Variants in PRKACB observed in about 807,000 individuals in gnomAD.
PRKACB encodes cAMP-dependent protein kinase catalytic subunit beta.
A neutral mutation model predicts 51.4 loss-of-function variants in PRKACB; 16 were observed. The observed-to-expected ratio is 0.31, with a 90% CI of 0.21 to 0.47. PRKACB has a LOEUF of 0.47. Ranked by LOEUF, PRKACB falls within the 20% of genes least tolerant of loss-of-function variation. The pLI is 1.00. For missense variants in PRKACB, 309 were observed against 464.5 expected, an observed-to-expected ratio of 0.67 and a Z score of 3.08; for synonymous variants, 147 against 154.4, an observed-to-expected ratio of 0.95 and a Z score of 0.35.
At chr1:84,195,731 G>T (rs1668032091) in intron 5 of PRKACB, among the ~76,000 whole-genome samples, 3 of 151,968 alleles carry the variant, frequency 2.0e-5, no homozygotes, top group African/African-American at 4.8e-5. Flanking sequence ...TGGCCAACAT[G>T]GTGAAACCCC....
intron 1 of PRKACB, among the ~76,000 whole-genome samples, chr1:84,122,167 C>T (rs1651141255): frequency 1.3e-5 from 2 of 152,138 alleles, no homozygotes; most frequent in Non-Finnish European, 2.9e-5. Context: ...CTCCAGCACT[C>T]TTCAGCCTCT....
intron 1 of PRKACB, among the ~76,000 whole-genome samples, chr1:84,133,677 A>G (rs1219041372): frequency 1.3e-5 from 2 of 151,984 alleles, no homozygotes; most frequent in Non-Finnish European, 2.9e-5. Flanking sequence ...CCCTTGCGGG[A>G]GGGGGAGCAC....
intron 1 of PRKACB, chr1:84,164,841 C>G: frequency 7.2e-7 from 1 of 1,384,968 alleles, no homozygotes; most frequent in South Asian, 2.0e-5. Flanking sequence ...CTTCTAGGGG[C>G]TTCTCTTTTT....
intron 9 of PRKACB, among the ~76,000 whole-genome samples, chr1:84,228,248 T>C (rs1674970307): frequency 6.6e-6 from 1 of 152,212 alleles, no homozygotes; most frequent in Admixed American, 6.5e-5. Context: ...TAACTATATA[T>C]ATGTTGATTA....
At chr1:84,204,859 A>G in intron 8 of PRKACB, 1 of 984,342 alleles carries the variant, frequency 1.0e-6, no homozygotes, top group South Asian at 4.7e-5. Context: ...CTTCATTTTT[A>G]TGCATTGGCC....
chr1:84,145,281 T>C (rs1217967316), intron 1 of PRKACB, among the ~76,000 whole-genome samples: 4 of 152,102 alleles, frequency 2.6e-5, no homozygotes, highest in Admixed American at 1.3e-4. Flanking sequence ...ACAATACTAG[T>C]GCCGCCATTC....
intron 1 of PRKACB, among the ~76,000 whole-genome samples, chr1:84,087,754 A>G (rs925918827): frequency 2.6e-5 from 4 of 152,114 alleles, no homozygotes; most frequent in African/African-American, 4.8e-5. Flanking sequence ...TATTTATAAG[A>G]TAAGTCTTCT....
intron 9 of PRKACB, among the ~76,000 whole-genome samples, chr1:84,225,027 G>A (rs116588350): frequency 7.4e-4 from 112 of 152,278 alleles, no homozygotes; most frequent in Middle Eastern, 3.4e-3. Context: ...CAGAGTGATA[G>A]ACAGAGGGGG....
intron 1 of PRKACB, among the ~76,000 whole-genome samples, chr1:84,138,704 CA>C (rs1384128243): frequency 1.3e-5 from 2 of 152,036 alleles, no homozygotes; most frequent in Admixed American, 6.6e-5. Flanking sequence ...AACCTGCTAC[CA>C]AAATCATGCA....
At chr1:84,234,875 C>A (rs985912365) in intron 9 of PRKACB, among the ~76,000 whole-genome samples, 2 of 152,226 alleles carry the variant, frequency 1.3e-5, no homozygotes, top group Non-Finnish European at 2.9e-5. Flanking sequence ...CACCCGTCTT[C>A]TGTGTCCCTC....
intron 1 of PRKACB, chr1:84,175,931 T>C: frequency 1.5e-6 from 1 of 685,800 alleles, no homozygotes; most frequent in Non-Finnish European, 2.2e-6. Flanking sequence ...CTCTTTTTTG[T>C]AGTATCTACT....
chr1:84,177,615 A>T (rs905185176), intron 1 of PRKACB, among the ~76,000 whole-genome samples: 2 of 151,908 alleles, frequency 1.3e-5, no homozygotes, highest in Non-Finnish European at 2.9e-5. Context: ...GGTGGTGCAC[A>T]TCTGTAGTCC....
chr1:84,079,311 C>T (rs1018377004), intron 1 of PRKACB, among the ~76,000 whole-genome samples: 1 of 152,016 alleles, frequency 6.6e-6, no homozygotes, highest in Non-Finnish European at 1.5e-5. Context: ...GTTATATCAC[C>T]AGGAGTGAAT....
chr1:84,139,459 T>A (rs1248296117), upstream of PRKACB, among the ~76,000 whole-genome samples: 1 of 152,218 alleles, frequency 6.6e-6, no homozygotes, highest in African/African-American at 2.4e-5. Flanking sequence ...AAAACATTTT[T>A]AAAGAACTGT....
intron 1 of PRKACB, among the ~76,000 whole-genome samples, chr1:84,082,706 C>T (rs1490121283): frequency 6.6e-6 from 1 of 152,092 alleles, no homozygotes; most frequent in Non-Finnish European, 1.5e-5. Flanking sequence ...TAGCTACTAG[C>T]CACATGTCTG....
At chr1:84,190,588 A>G (rs796978181) in intron 5 of PRKACB, among the ~76,000 whole-genome samples, 57 of 152,214 alleles carry the variant, frequency 3.7e-4, no homozygotes, top group African/African-American at 1.4e-3. Flanking sequence ...AAATAATAGC[A>G]TATACAAAGA....
At chr1:84,190,769 A>G (rs1666528129) in intron 5 of PRKACB, among the ~76,000 whole-genome samples, 1 of 152,072 alleles carries the variant, frequency 6.6e-6, no homozygotes, top group African/African-American at 2.4e-5. Context: ...GTCTTGTTGA[A>G]TTGAACCCTT....
At chr1:84,192,642 T>C (rs1667130319) in intron 5 of PRKACB, among the ~76,000 whole-genome samples, 1 of 152,096 alleles carries the variant, frequency 6.6e-6, no homozygotes, top group African/African-American at 2.4e-5. Context: ...TTTGAGACAG[T>C]ATTTTGTAAC....
intron 1 of PRKACB, among the ~76,000 whole-genome samples, chr1:84,092,843 C>T (rs1648590224): frequency 6.7e-6 from 1 of 149,510 alleles, no homozygotes; most frequent in South Asian, 2.1e-4. Context: ...ATCACTTTTT[C>T]ATGTTGGTAT....
Sources: allele counts gnomAD v4.1 joint callset (sites outside exome capture counted in the v4.1 genomes callset), GRCh38; gene constraint gnomAD v4.1.1; transcripts MANE v1.5; gene names NCBI Gene and HGNC (gene_info 2026-07-23, HGNC 2026-07-21).